The following TP63 variants were observed in gnomAD, a reference collection of about 807,000 sequenced individuals.
The protein encoded by TP63 is tumor protein p63.
A neutral mutation model predicts 82.8 loss-of-function variants in TP63; 17 were observed. The ratio of observed to expected loss-of-function variants is 0.21; its 90% CI spans 0.14 to 0.31. The LOEUF (loss-of-function observed/expected upper bound fraction) is 0.31. Ranked by LOEUF, TP63 falls within the 10% of genes least tolerant of loss-of-function variation. The pLI is 1.00. For missense variants in TP63, 648 were observed against 895.3 expected (o/e 0.72, Z 3.52); for synonymous variants, 330 against 321.7 (o/e 1.03, Z -0.28).
intron 4 of TP63, among the ~76,000 whole-genome samples, chr3:189,821,618 A>T (rs888695334): frequency 6.6e-6 from 1 of 152,200 alleles, no homozygotes; most frequent in Non-Finnish European, 1.5e-5. Context: ...CCCAACTAAC[A>T]GATTTTCTGT....
At chr3:189,689,724 T>C (rs1384986243) in intron 1 of TP63, among the ~76,000 whole-genome samples, 1 of 152,166 alleles carries the variant, frequency 6.6e-6, no homozygotes, top group East Asian at 1.9e-4. Flanking sequence ...GTGGCAGTTA[T>C]GATGTATATT....
intron 1 of TP63, among the ~76,000 whole-genome samples, chr3:189,697,972 G>T (rs1717518067): frequency 6.6e-6 from 1 of 152,012 alleles, no homozygotes. Flanking sequence ...CATGTCATCT[G>T]TGAATAAAAC....
At chr3:189,762,233 G>A (rs1043619399) in intron 3 of TP63, among the ~76,000 whole-genome samples, 2 of 152,198 alleles carry the variant, frequency 1.3e-5, no homozygotes, top group African/African-American at 2.4e-5. Context: ...GCCTGTTAGG[G>A]CCACTTCAAA....
intron 10 of TP63, among the ~76,000 whole-genome samples, chr3:189,877,020 A>G (rs1331107529): frequency 1.3e-5 from 2 of 152,134 alleles, no homozygotes; most frequent in East Asian, 1.9e-4. Context: ...AATTACTTCT[A>G]TTAGGTTCCC....
the TP63 span, among the ~76,000 whole-genome samples, chr3:189,625,662 G>C: frequency 1.3e-5 from 2 of 152,118 alleles, no homozygotes; most frequent in African/African-American, 4.8e-5. Context: ...TTAGAGTAAA[G>C]GTGCAACATA....
intron 3 of TP63, among the ~76,000 whole-genome samples, chr3:189,753,035 T>G (rs1376375794): frequency 6.6e-6 from 1 of 152,114 alleles, no homozygotes; most frequent in East Asian, 1.9e-4. Flanking sequence ...ATTTTTTAAT[T>G]TATTAAGGTT....
intron 10 of TP63, chr3:189,873,462 C>T (rs1718683036): frequency 5.0e-6 from 1 of 199,916 alleles, no homozygotes; most frequent in Non-Finnish European, 1.0e-5. Flanking sequence ...TATAAAGTGA[C>T]TTGTTTGAAT....
the TP63 span, among the ~76,000 whole-genome samples, chr3:189,616,070 G>C: frequency 6.6e-6 from 1 of 152,136 alleles, no homozygotes; most frequent in Non-Finnish European, 1.5e-5. Context: ...ATCAGCATCA[G>C]ACAAGGTCTC....
chr3:189,815,517 A>C (rs12630260), intron 4 of TP63, among the ~76,000 whole-genome samples: 49,582 of 151,996 alleles, frequency 0.33, 8,397 homozygotes, highest in Non-Finnish European at 0.36. Flanking sequence ...ATATTAAATT[A>C]ATTATCACAA....
At chr3:189,726,850 A>T (rs1041357414) in intron 1 of TP63, among the ~76,000 whole-genome samples, 1 of 152,218 alleles carries the variant, frequency 6.6e-6, no homozygotes, top group Non-Finnish European at 1.5e-5. Flanking sequence ...TAAAATCTTT[A>T]AAGGTCTTTT....
chr3:189,714,895 C>G (rs1718850447), intron 1 of TP63, among the ~76,000 whole-genome samples: 1 of 152,148 alleles, frequency 6.6e-6, no homozygotes, highest in African/African-American at 2.4e-5. Context: ...AAATTCTACA[C>G]AACCAGAGAA....
chr3:189,737,846 C>G lies in TP63; in HGVS notation c.169C>G (p.His57Asp). 6.2e-7 allele frequency: 1 copy of G among 1,613,890 alleles called. No individual in the cohort carries two copies. ...ATTCCTCAGTCCAGAGGTTTTCCAG[C>G]ATATCTGGGATTTTCTGGAACAGTA... ...NEFLSPEVFQ[H>D]IWDFLEQPIC... The change falls in exon 2 of 14, where the codon CAT becomes GAT. Residue 57 changes from histidine (H) to aspartate (D), a missense_variant. By Grantham distance (81) the His-to-Asp change is moderately conservative (BLOSUM62 -1). Around this residue, in one of 5 missense-constraint regions of TP63, gnomAD observed 182 missense variants for 213.6 expected, o/e 0.85. Transcript: ENST00000264731.
At chr3:189,700,897 G>T (rs544522643) in intron 1 of TP63, among the ~76,000 whole-genome samples, 2 of 152,234 alleles carry the variant, frequency 1.3e-5, no homozygotes, top group East Asian at 3.9e-4. Flanking sequence ...ACATAAAAAG[G>T]TATGGATCAT....
chr3:189,868,570 T>C lies in TP63; in HGVS notation c.993-10T>C. The stretch of plus-strand genomic sequence containing the variant: ...TTTAACTCTTTCTTCCCCTTTATTC[T>C]AATTCCTAGTGGGCAAGTCCTGGGC... On this transcript the variant is annotated splice_polypyrimidine_tract_variant and intron_variant, in intron 7 of 13. Coordinates refer to ENST00000264731, the MANE Select transcript of TP63 (RefSeq NM_003722.5). 1 of 1,613,964 alleles carries C rather than the reference T, an allele frequency of 6.2e-7. No individual in the cohort carries two copies. Among genetic ancestry groups the C allele is most frequent in the Non-Finnish European group, 8.5e-7 (1 of 1,179,944 alleles).
the TP63 span, among the ~76,000 whole-genome samples, chr3:189,624,891 T>C: frequency 6.6e-6 from 1 of 152,116 alleles, no homozygotes; most frequent in Non-Finnish European, 1.5e-5. Context: ...TACACCAGGA[T>C]GAGTAGCAAT....
At chr3:189,791,565 C>T (rs1725145278) in intron 3 of TP63, among the ~76,000 whole-genome samples, 2 of 152,060 alleles carry the variant, frequency 1.3e-5, no homozygotes, top group African/African-American at 2.4e-5. Flanking sequence ...CAAAAGGCAT[C>T]CCTTGTCTGT....
chr3:189,605,057 T>TTG, the TP63 span, among the ~76,000 whole-genome samples: 9 of 152,218 alleles, frequency 5.9e-5, no homozygotes, highest in Admixed American at 5.2e-4. Flanking sequence ...CAGAGCTCTC[T>TTG]TGTGGCTTGG....
At chr3:189,643,108 T>C (rs1273356361) in intron 1 of TP63, among the ~76,000 whole-genome samples, 1 of 152,094 alleles carries the variant, frequency 6.6e-6, no homozygotes, top group Non-Finnish European at 1.5e-5. Context: ...TTCAGGCAAT[T>C]CTCCTGCCTC....
rs34273202 is a variant in TP63, at chr3:189,808,618, C to T, written c.579+92C>T. ...GGATTTCTCCCCCTTCCCAGTTTAGCGATTCCATGTTCATGGTGGAAAATT... is the reference window on the plus strand; with the variant it reads ...GGATTTCTCCCCCTTCCCAGTTTAGTGATTCCATGTTCATGGTGGAAAATT... On this transcript the variant is annotated intron_variant, in intron 4 of 13. Transcript: ENST00000264731. 2.3e-4 allele frequency: 369 copies of T among 1,597,634 alleles called. 2 individuals carry two copies. The African/African-American group carries it at 4.2e-3, about 18-fold the overall frequency.
Sources: allele counts gnomAD v4.1 joint callset (sites outside exome capture counted in the v4.1 genomes callset), GRCh38; gene constraint gnomAD v4.1.1; regional missense constraint gnomAD v4.1.1; transcripts MANE v1.5; gene names NCBI Gene and HGNC (gene_info 2026-07-23, HGNC 2026-07-21).